The following CSMD1 variants were observed in gnomAD, a reference collection of about 807,000 sequenced individuals.
CSMD1 encodes the protein CUB and sushi domain-containing protein 1.
A neutral mutation model predicts 417.5 loss-of-function variants in CSMD1; 213 were observed. The ratio of observed to expected loss-of-function variants is 0.51; its 90% CI spans 0.46 to 0.57. The LOEUF is 0.57. Ranked by LOEUF, CSMD1 falls within the 20% of genes least tolerant of loss-of-function variation. The pLI is 0.00. For missense variants in CSMD1, 6,923 were observed against 4,529.7 expected (o/e 1.53, Z -15.17); for synonymous variants, 2,862 against 1,736.8 (o/e 1.65, Z -16.11).
chr8:3,614,391 A>C (rs1802037817), intron 8 of CSMD1, among the ~76,000 whole-genome samples: 1 of 152,096 alleles, frequency 6.6e-6, no homozygotes, highest in African/African-American at 2.4e-5. Context: ...CTTAATGTTC[A>C]TCCTGAATTT....
intron 1 of CSMD1, among the ~76,000 whole-genome samples, chr8:4,743,780 G>A (rs932577765): frequency 2.2e-4 from 34 of 152,250 alleles, no homozygotes; most frequent in South Asian, 1.0e-3. Flanking sequence ...TATTACACTT[G>A]AGAGGCCTTC....
chr8:4,717,229 C>T (rs913886489), intron 1 of CSMD1, among the ~76,000 whole-genome samples: 6 of 151,026 alleles, frequency 4.0e-5, no homozygotes, highest in African/African-American at 1.5e-4. Context: ...AAATACATAA[C>T]ATAGCTACCT....
At chr8:4,580,268 A>C (rs898706509) in intron 2 of CSMD1, among the ~76,000 whole-genome samples, 1 of 152,188 alleles carries the variant, frequency 6.6e-6, no homozygotes, top group African/African-American at 2.4e-5. Context: ...GGCTGTGGTC[A>C]TCACCCAGCC....
chr8:4,124,138 A>T (rs1294886627), intron 3 of CSMD1, among the ~76,000 whole-genome samples: 4 of 152,274 alleles, frequency 2.6e-5, no homozygotes, highest in African/African-American at 9.6e-5. Context: ...TCAAGTGATG[A>T]ATGTTGTCCT....
rs544563804 is a variant in CSMD1 at position 4,007,541 on chromosome 8, C to T, written c.611-9431G>A. ...ACTAGCACTCACCTAGATTGCTTCCCACCTCTCCATCCTGTATGCTTACCT... is the reference window on the plus strand; with the variant it reads ...ACTAGCACTCACCTAGATTGCTTCCTACCTCTCCATCCTGTATGCTTACCT... On this transcript the variant is annotated intron_variant, in intron 4 of 69. Transcript: ENST00000635120. Among the ~76,000 whole-genome samples, 19 of 152,292 alleles carry T rather than the reference C, an allele frequency of 1.2e-4. No homozygotes were observed. The East Asian group carries it at 2.1e-3, about 17-fold the overall frequency.
intron 3 of CSMD1, among the ~76,000 whole-genome samples, chr8:4,231,229 T>C (rs1801707536): frequency 6.6e-6 from 1 of 152,190 alleles, no homozygotes; most frequent in African/African-American, 2.4e-5. Context: ...TATCCCTCTT[T>C]GAGGTTACTG....
At chr8:3,040,051 G>C (rs75702939) in intron 50 of CSMD1, among the ~76,000 whole-genome samples, 2,127 of 152,194 alleles carry the variant, frequency 0.014, 16 homozygotes, top group East Asian at 0.037. Flanking sequence ...GGGGTGAAAA[G>C]GAGTCTCCTA....
intron 3 of CSMD1, among the ~76,000 whole-genome samples, chr8:4,148,138 G>T (rs1430212490): frequency 6.6e-6 from 1 of 152,130 alleles, no homozygotes; most frequent in African/African-American, 2.4e-5. Flanking sequence ...TCTGGGTGAA[G>T]CTCAACTTAG....
chr8:3,652,618 G>C (rs1350913741), intron 7 of CSMD1, among the ~76,000 whole-genome samples: 1 of 152,154 alleles, frequency 6.6e-6, no homozygotes, highest in Non-Finnish European at 1.5e-5. Flanking sequence ...GCTCGCGCAA[G>C]GGAGCTCCCA....
At chr8:4,023,598 T>G (rs906227364) in intron 4 of CSMD1, among the ~76,000 whole-genome samples, 2 of 150,562 alleles carry the variant, frequency 1.3e-5, no homozygotes, top group African/African-American at 4.9e-5. Flanking sequence ...TTTTTTTTTT[T>G]TTTCCTGACA....
rs553916627 is a variant in CSMD1 at position 4,930,746 on chromosome 8, C to A, written c.85+63586G>T. Among the ~76,000 whole-genome samples the A allele has an allele frequency of 9.9e-5, 15 of 152,118 alleles. No individual in the cohort carries two copies. In the South Asian group the frequency reaches 3.1e-3, roughly 32 times the overall value. On this transcript the variant is annotated intron_variant, in intron 1 of 69. Transcript: ENST00000635120. Reference sequence around the variant, plus strand: ...TGTTACTTTTAGATACAAAAGGTTACCAGGTGCTAGAAAGTGTTAAAGTAC... The same window carrying A: ...TGTTACTTTTAGATACAAAAGGTTAACAGGTGCTAGAAAGTGTTAAAGTAC...
chr8:3,054,274 G>A (rs1812065851), intron 49 of CSMD1, among the ~76,000 whole-genome samples: 1 of 152,206 alleles, frequency 6.6e-6, no homozygotes, highest in African/African-American at 2.4e-5. Flanking sequence ...GAAATTTCAA[G>A]CTCTAAAATG....
chr8:4,341,099 T>G (rs955999023), intron 3 of CSMD1, among the ~76,000 whole-genome samples: 2 of 152,110 alleles, frequency 1.3e-5, no homozygotes, highest in African/African-American at 4.8e-5. Context: ...AGAATAGAGA[T>G]ATCTCATTTC....
At chr8:4,964,394 C>A (rs1809709414) in intron 1 of CSMD1, among the ~76,000 whole-genome samples, 2 of 149,032 alleles carry the variant, frequency 1.3e-5, no homozygotes, top group Non-Finnish European at 3.0e-5. Context: ...TGGCATGCAC[C>A]TGTAGTCCCA....
At chr8:3,439,281 G>GTGTGTATATATATATA (rs1407744154) in intron 12 of CSMD1, among the ~76,000 whole-genome samples, 26 of 54,328 alleles carry the variant, frequency 4.8e-4, no homozygotes, top group African/African-American at 1.6e-3. Flanking sequence ...GGCAATGTCA[G>GTGTGTATATATATATA]TATATATATA....
chr8:3,273,052 G>A (rs1177133703), intron 26 of CSMD1, among the ~76,000 whole-genome samples: 1 of 152,192 alleles, frequency 6.6e-6, no homozygotes, highest in African/African-American at 2.4e-5. Flanking sequence ...CATTCGGTAT[G>A]ATATTGGCTG....
intron 36 of CSMD1, among the ~76,000 whole-genome samples, chr8:3,186,469 T>C (rs1563123210): frequency 1.3e-5 from 2 of 152,224 alleles, no homozygotes; most frequent in Non-Finnish European, 2.9e-5. Flanking sequence ...TGGCACTTTA[T>C]TCCCAACACC....
intron 8 of CSMD1, among the ~76,000 whole-genome samples, chr8:3,604,789 G>T (rs1005155782): frequency 1.3e-5 from 2 of 152,032 alleles, no homozygotes; most frequent in Non-Finnish European, 1.5e-5. Flanking sequence ...ATTGCTTGTG[G>T]TATCCAAGGG....
chr8:3,164,683 T>C (rs547518886), intron 37 of CSMD1, among the ~76,000 whole-genome samples: 3 of 152,280 alleles, frequency 2.0e-5, no homozygotes, highest in South Asian at 2.1e-4. Context: ...TTTAGGGTGA[T>C]ACTAAGTCAT....
Sources: gnomAD v4.1 joint callset for allele counts (sites outside exome capture counted in the v4.1 genomes callset) on GRCh38, gnomAD v4.1.1 for gene constraint, MANE v1.5 for transcripts, NCBI Gene and HGNC (gene_info 2026-07-23, HGNC 2026-07-21) for gene names.